Variants in NDUFAF2 observed in about 807,000 individuals in gnomAD.
The protein encoded by NDUFAF2 is NADH:ubiquinone oxidoreductase complex assembly factor 2.
In NDUFAF2, 13 loss-of-function variants were observed where a neutral mutation model predicts 22.8. The observed-to-expected ratio is 0.57, with a 90% confidence interval of 0.37 to 0.91. NDUFAF2 has a LOEUF of 0.91. Ranked by LOEUF, NDUFAF2 falls within the 40% of genes least tolerant of loss-of-function variation. The probability of loss-of-function intolerance (pLI) is 0.01; values close to 1 mark genes in which losing one functional copy is unlikely to be tolerated. For missense variants in NDUFAF2, 162 were observed against 195.2 expected, an observed-to-expected ratio of 0.83 and a Z score of 1.01; for synonymous variants, 53 against 64.2, an observed-to-expected ratio of 0.83 and a Z score of 0.84.
chr5:61,012,538 AT>A (rs1332072291), intron 1 of NDUFAF2, among the ~76,000 whole-genome samples: 2 of 151,970 alleles, frequency 1.3e-5, no homozygotes, highest in South Asian at 2.1e-4. Flanking sequence ...GTACTTTATG[AT>A]TTTTTAATTA....
intron 1 of NDUFAF2, among the ~76,000 whole-genome samples, chr5:60,962,989 C>T (rs1427203367): frequency 2.0e-5 from 3 of 151,838 alleles, no homozygotes; most frequent in African/African-American, 4.8e-5. Flanking sequence ...AGGTTCAAGT[C>T]ATTCTCCTGC....
intron 3 of NDUFAF2, among the ~76,000 whole-genome samples, chr5:61,125,139 C>T (rs891365117): frequency 6.6e-6 from 1 of 152,050 alleles, no homozygotes; most frequent in African/African-American, 2.4e-5. Flanking sequence ...TGCATGGGTA[C>T]ACAGTGCCAC....
At chr5:61,024,758 A>G (rs1423205987) in intron 1 of NDUFAF2, among the ~76,000 whole-genome samples, 1 of 152,042 alleles carries the variant, frequency 6.6e-6, no homozygotes, top group Non-Finnish European at 1.5e-5. Flanking sequence ...ATATTTTCCC[A>G]CTGCTTTCTG....
chr5:61,053,069 TC>T (rs140233453), intron 1 of NDUFAF2, among the ~76,000 whole-genome samples: 3,661 of 152,350 alleles, frequency 0.024, 61 homozygotes, highest in Non-Finnish European at 0.037. Context: ...CATTATGTGT[TC>T]CTGGGTGCTC....
At chr5:61,023,283 T>C (rs1295808286) in intron 1 of NDUFAF2, among the ~76,000 whole-genome samples, 2 of 152,138 alleles carry the variant, frequency 1.3e-5, no homozygotes, top group Non-Finnish European at 2.9e-5. Context: ...TTTTTTTGCA[T>C]AACCAGTGTT....
chr5:61,047,620 ATCT>A (rs1751969857), intron 1 of NDUFAF2, among the ~76,000 whole-genome samples: 1 of 152,038 alleles, frequency 6.6e-6, no homozygotes, highest in Non-Finnish European at 1.5e-5. Context: ...AACATCCATT[ATCT>A]TCTTTCTGAT....
At chr5:61,070,690 A>G (rs923867124) in intron 1 of NDUFAF2, among the ~76,000 whole-genome samples, 1 of 151,874 alleles carries the variant, frequency 6.6e-6, no homozygotes, top group Admixed American at 6.6e-5. Flanking sequence ...GAGACCTTAC[A>G]TGAAGTTGAT....
chr5:61,005,787 T>C lies in NDUFAF2; in HGVS notation c.127+60405T>C, dbSNP rs111564631. ...TCGTTTGCCCACTTGTTGATGGGGT[T>C]GTTTGATTTTTTCTTGTAAATTTGT... On this transcript the variant is annotated intron_variant, in intron 1 of 3. Coordinates refer to ENST00000296597, the MANE Select transcript of NDUFAF2 (RefSeq NM_174889.5). 2.4e-3 allele frequency among the ~76,000 whole-genome samples: 365 copies of C among 152,286 alleles called. 9 individuals are homozygous for C. The highest frequency in any genetic ancestry group is 8.5e-3 in the African/African-American group (355 of 41,572).
chr5:61,129,344 T>C (rs1753078489), intron 3 of NDUFAF2, among the ~76,000 whole-genome samples: 1 of 152,154 alleles, frequency 6.6e-6, no homozygotes, highest in South Asian at 2.1e-4. Flanking sequence ...CATGGACATG[T>C]ATGTTTATTG....
intron 1 of NDUFAF2, among the ~76,000 whole-genome samples, chr5:60,977,243 CAG>C (rs1750914740): frequency 6.6e-6 from 1 of 151,508 alleles, no homozygotes; most frequent in Non-Finnish European, 1.5e-5. Context: ...GTCTGGAAAA[CAG>C]AGTGAGACCC....
At chr5:60,990,764 A>G (rs56320246) in intron 1 of NDUFAF2, among the ~76,000 whole-genome samples, 3,048 of 152,308 alleles carry the variant, frequency 0.02, 119 homozygotes, top group African/African-American at 0.07. Context: ...ACCACCTTGA[A>G]GATGAAAGAT....
intron 1 of NDUFAF2, among the ~76,000 whole-genome samples, chr5:61,040,284 A>ACACACACACACG (rs1554080863): frequency 1.1e-5 from 1 of 87,220 alleles, no homozygotes; most frequent in Non-Finnish European, 2.3e-5. Flanking sequence ...ACACACACAC[A>ACACACACACACG]CACGCGCGCG....
At chr5:61,115,819 A>G (rs1476419752) in intron 3 of NDUFAF2, 1 of 152,186 alleles carries the variant, frequency 6.6e-6, no homozygotes, top group Non-Finnish European at 1.5e-5. Context: ...ATAGCATTAT[A>G]TCAATTTTAA....
chr5:60,949,768 GAT>G lies in NDUFAF2; in HGVS notation c.127+4387_127+4388del, dbSNP rs1750517854. 2.6e-5 allele frequency among the ~76,000 whole-genome samples: 4 copies of G among 152,210 alleles called. No homozygotes were observed. In the South Asian group the frequency reaches 8.3e-4, roughly 32 times the overall value. On this transcript the variant is annotated intron_variant, in intron 1 of 3. Coordinates refer to ENST00000296597, the MANE Select transcript of NDUFAF2 (RefSeq NM_174889.5). ...TGGTCATTTTTAAAAATTTATCACTGATTTGTAGTTTTCAGCATAGAGATCAT... is the reference window on the plus strand; with the variant it reads ...TGGTCATTTTTAAAAATTTATCACTGTTGTAGTTTTCAGCATAGAGATCAT...
At chr5:61,089,514 T>A (rs1752542097) in intron 2 of NDUFAF2, among the ~76,000 whole-genome samples, 1 of 152,146 alleles carries the variant, frequency 6.6e-6, no homozygotes, top group South Asian at 2.1e-4. Flanking sequence ...TACAAATAAG[T>A]GGTCACGTTG....
intron 1 of NDUFAF2, among the ~76,000 whole-genome samples, chr5:60,952,713 A>G (rs1199447758): frequency 6.6e-6 from 1 of 152,146 alleles, no homozygotes; most frequent in Non-Finnish European, 1.5e-5. Flanking sequence ...GCTGGTTGAT[A>G]GAGTTGTTCA....
intron 1 of NDUFAF2, among the ~76,000 whole-genome samples, chr5:61,004,409 A>G (rs1751338877): frequency 6.6e-6 from 1 of 152,100 alleles, no homozygotes; most frequent in Admixed American, 6.6e-5. Flanking sequence ...ATAATGGATA[A>G]CCAACTGTAA....
intron 1 of NDUFAF2, among the ~76,000 whole-genome samples, chr5:61,006,661 C>T (rs1751370713): frequency 6.6e-6 from 1 of 152,022 alleles, no homozygotes; most frequent in South Asian, 2.1e-4. Flanking sequence ...CCTTCACATC[C>T]CTTGTAAGTT....
At chr5:61,071,981 C>A (rs1180095983) in intron 1 of NDUFAF2, among the ~76,000 whole-genome samples, 1 of 152,208 alleles carries the variant, frequency 6.6e-6, no homozygotes, top group Non-Finnish European at 1.5e-5. Flanking sequence ...CACTAATCAA[C>A]TTTTATTGAG....
Sources: allele counts gnomAD v4.1 joint callset (sites outside exome capture counted in the v4.1 genomes callset), GRCh38; gene constraint gnomAD v4.1.1; transcripts MANE v1.5; gene names NCBI Gene and HGNC (gene_info 2026-07-23, HGNC 2026-07-21).